PTGER3: variants seen among roughly 807,000 people sequenced by gnomAD.
PTGER3 encodes prostaglandin E2 receptor EP3 subtype.
In PTGER3, 22 loss-of-function variants were observed where a neutral mutation model predicts 34.7. That is an observed-to-expected ratio of 0.63 (90% CI 0.45 to 0.91). The LOEUF is 0.91. Ranked by LOEUF, PTGER3 falls within the 40% of genes least tolerant of loss-of-function variation. The pLI, the probability that PTGER3 is intolerant of heterozygous loss-of-function variation, is 0.00. For missense variants in PTGER3, 468 were observed against 519.4 expected (o/e 0.90, Z 0.96); for synonymous variants, 241 against 230.1 (o/e 1.05, Z -0.43).
At chr1:70,944,818 T>A (rs1650072281) in intron 4 of PTGER3, among the ~76,000 whole-genome samples, 2 of 152,132 alleles carry the variant, frequency 1.3e-5, no homozygotes, top group Admixed American at 1.3e-4. Context: ...TGCTCTATAA[T>A]CAGTGGATTT....
chr1:70,913,060 G>C (rs1364746652), intron 4 of PTGER3, among the ~76,000 whole-genome samples: 1 of 151,870 alleles, frequency 6.6e-6, no homozygotes, highest in Non-Finnish European at 1.5e-5. Context: ...AAATTGCCTT[G>C]AATTATAGAT....
At chr1:70,967,089 T>TA (rs535544655), downstream of PTGER3, among the ~76,000 whole-genome samples, 518 of 152,064 alleles carry the variant, frequency 3.4e-3, 6 homozygotes, top group African/African-American at 0.012. Context: ...CATGCCATGT[T>TA]AAAAAAAATA....
At chr1:70,926,216 G>A (rs563363646) in intron 4 of PTGER3, among the ~76,000 whole-genome samples, 1 of 152,276 alleles carries the variant, frequency 6.6e-6, no homozygotes, top group Non-Finnish European at 1.5e-5. Flanking sequence ...ATTCTGTGAA[G>A]CAAGTCATTG....
chr1:70,932,753 G>A (rs1324491522), intron 4 of PTGER3, among the ~76,000 whole-genome samples: 1 of 152,028 alleles, frequency 6.6e-6, no homozygotes, highest in Admixed American at 6.6e-5. Flanking sequence ...GATTTGGGTG[G>A]GGACACAGAG....
intron 4 of PTGER3, among the ~76,000 whole-genome samples, chr1:70,883,208 G>C (rs1646429342): frequency 6.6e-6 from 1 of 152,126 alleles, no homozygotes; most frequent in Non-Finnish European, 1.5e-5. Context: ...CCTGAGGGCA[G>C]TTTTTATGCC....
At chr1:71,007,048 A>T in intron 2 of PTGER3, 1 of 985,326 alleles carries the variant, frequency 1.0e-6, no homozygotes, top group Non-Finnish European at 1.2e-6. Flanking sequence ...ATATTTAAAT[A>T]CACTGACGAT....
intron 1 of PTGER3, among the ~76,000 whole-genome samples, chr1:71,034,026 C>A (rs144923678): frequency 1.3e-5 from 2 of 152,000 alleles, no homozygotes; most frequent in Non-Finnish European, 2.9e-5. Context: ...TAAAAGATGT[C>A]TTTAAGTAAA....
downstream of PTGER3, among the ~76,000 whole-genome samples, chr1:70,966,156 T>C (rs1019127546): frequency 1.3e-5 from 2 of 152,230 alleles, no homozygotes; most frequent in African/African-American, 4.8e-5. Context: ...TTCTCATGTG[T>C]GCAAATTATG....
chr1:70,946,692 C>A (rs1650257520), intron 4 of PTGER3, among the ~76,000 whole-genome samples: 2 of 152,094 alleles, frequency 1.3e-5, no homozygotes, highest in African/African-American at 2.4e-5. Context: ...CTCCAATAGT[C>A]CACTCAACTG....
intron 2 of PTGER3, among the ~76,000 whole-genome samples, chr1:70,995,268 A>C (rs1421337226): frequency 6.6e-6 from 1 of 152,188 alleles, no homozygotes; most frequent in Non-Finnish European, 1.5e-5. Context: ...AGGATTCAAA[A>C]AAGGCTGGTA....
At position 71,041,662 on chromosome 1, in the gene PTGER3, G is replaced by T. The variant is rs369472242; in HGVS notation, c.897+5019C>A. ...TAATGATTCTCAAGAAGCACAGCTG[G>T]CAGGAGTTGAAATACAAACTTCCTT... On this transcript the variant is annotated intron_variant, in intron 1 of 3. Coordinates refer to ENST00000306666, the MANE Select transcript of PTGER3 (RefSeq NM_198719.2). 1.2e-4 allele frequency among the ~76,000 whole-genome samples: 19 copies of T among 152,318 alleles called. No homozygotes were observed. The East Asian group carries it at 2.7e-3, about 22-fold the overall frequency.
chr1:70,872,714 A>T (rs1536261), intron 4 of PTGER3, among the ~76,000 whole-genome samples: 1 of 151,962 alleles, frequency 6.6e-6, no homozygotes, highest in Non-Finnish European at 1.5e-5. Flanking sequence ...AAATTAACAA[A>T]AATTGTTCTC....
intron 4 of PTGER3, among the ~76,000 whole-genome samples, chr1:70,875,302 A>C (rs953297126): frequency 1.3e-5 from 2 of 152,212 alleles, no homozygotes; most frequent in African/African-American, 4.8e-5. Flanking sequence ...TGCTGTTGAC[A>C]TTAAAATTAA....
intron 4 of PTGER3, among the ~76,000 whole-genome samples, chr1:70,884,390 G>A (rs1261370620): frequency 6.6e-6 from 1 of 152,182 alleles, no homozygotes; most frequent in Admixed American, 6.5e-5. Context: ...TTTTCCAGAT[G>A]CAATTAAGTT....
At chr1:70,992,483 A>G (rs1004184436) in intron 2 of PTGER3, among the ~76,000 whole-genome samples, 4 of 152,188 alleles carry the variant, frequency 2.6e-5, no homozygotes, top group Non-Finnish European at 4.4e-5. Context: ...TCAAAATTGA[A>G]CCCTTCACCC....
chr1:70,914,152 G>A (rs1182411826), intron 4 of PTGER3, among the ~76,000 whole-genome samples: 1 of 151,760 alleles, frequency 6.6e-6, no homozygotes, highest in Non-Finnish European at 1.5e-5. Context: ...GTGTGTGTGA[G>A]GGAAATGGAT....
chr1:70,956,412 C>T (rs1000289442), intron 2 of PTGER3, among the ~76,000 whole-genome samples: 1 of 151,430 alleles, frequency 6.6e-6, no homozygotes, highest in Non-Finnish European at 1.5e-5. Context: ...TGCATCACTT[C>T]TTAGAACACA....
At chr1:70,935,693 A>ATATATATATATATATATAT (rs1491421864) in intron 4 of PTGER3, among the ~76,000 whole-genome samples, 1 of 140,726 alleles carries the variant, frequency 7.1e-6, no homozygotes, top group African/African-American at 2.6e-5. Context: ...ATATATATAT[A>ATATATATATATATATATAT]TGTTCTGCTT....
intron 1 of PTGER3, among the ~76,000 whole-genome samples, chr1:71,025,611 T>C (rs952620752): frequency 6.6e-6 from 1 of 152,176 alleles, no homozygotes; most frequent in Non-Finnish European, 1.5e-5. Context: ...CACCATATCT[T>C]ATGCTTAACA....
Sources: gnomAD v4.1 joint callset for allele counts (sites outside exome capture counted in the v4.1 genomes callset) on GRCh38, gnomAD v4.1.1 for gene constraint, MANE v1.5 for transcripts, NCBI Gene and HGNC (gene_info 2026-07-23, HGNC 2026-07-21) for gene names.